SARNP: variants seen among roughly 807,000 people sequenced by gnomAD.
The protein encoded by SARNP is SAP domain containing ribonucleoprotein.
Under a neutral mutation model 38.1 loss-of-function variants are expected in SARNP, and 5 were observed. That is an observed-to-expected ratio of 0.13 (90% CI 0.07 to 0.28). SARNP has a LOEUF of 0.28. SARNP is among the 10% of genes least tolerant of loss of function. The pLI is 1.00. For synonymous variants in SARNP, 84 were observed against 80.6 expected (o/e 1.04, Z -0.23); for missense variants, 180 against 243.9 (o/e 0.74, Z 1.75).
intron 1 of SARNP, among the ~76,000 whole-genome samples, chr12:55,807,618 C>T (rs1222149598): frequency 6.9e-6 from 1 of 145,894 alleles, no homozygotes; most frequent in East Asian, 2.0e-4. Context: ...CTGGCTAGCA[C>T]GGTGAAACCC....
chr12:55,758,662 T>A (rs934792489), intron 10 of SARNP, among the ~76,000 whole-genome samples: 2 of 151,824 alleles, frequency 1.3e-5, no homozygotes, highest in Non-Finnish European at 2.9e-5. Flanking sequence ...AAAAGAAGCT[T>A]TTCATAAAGC....
At chr12:55,785,924 C>T (rs1879479247) in intron 9 of SARNP, among the ~76,000 whole-genome samples, 1 of 152,270 alleles carries the variant, frequency 6.6e-6, no homozygotes, top group Non-Finnish European at 1.5e-5. Context: ...CAGGCATGAG[C>T]CACTGCACCT....
intron 2 of SARNP, among the ~76,000 whole-genome samples, chr12:55,802,623 C>T (rs1880013055): frequency 6.6e-6 from 1 of 151,690 alleles, no homozygotes; most frequent in African/African-American, 2.4e-5. Flanking sequence ...CAAGATATCT[C>T]ATTATATATA....
intron 9 of SARNP, among the ~76,000 whole-genome samples, chr12:55,777,713 G>A (rs751479128): frequency 7.9e-5 from 12 of 152,048 alleles, no homozygotes; most frequent in Admixed American, 2.0e-4. Flanking sequence ...TATGTCTAAC[G>A]TCTCTTGTCC....
intron 9 of SARNP, among the ~76,000 whole-genome samples, chr12:55,765,062 AGCCTCTCTTCT>A (rs1878788894): frequency 6.6e-6 from 1 of 152,168 alleles, no homozygotes; most frequent in South Asian, 2.1e-4. Flanking sequence ...AAATAAATGG[AGCCTCTCTTCT>A]TGCGGAGAGG....
intron 7 of SARNP, 151 bp downstream of exon 7, chr12:55,794,205 TATA>T: frequency 1.4e-6 from 1 of 703,806 alleles, no homozygotes; most frequent in East Asian, 2.6e-5. Context: ...AAGGCCTAAG[TATA>T]ATTTTACCTA....
chr12:55,806,370 G>A (rs1290234960), intron 1 of SARNP, among the ~76,000 whole-genome samples: 1 of 150,470 alleles, frequency 6.6e-6, no homozygotes, highest in Non-Finnish European at 1.5e-5. Flanking sequence ...TGCGTTCCAG[G>A]TTCAAGCAAC....
At chr12:55,814,280 C>T (rs1880418173) in intron 1 of SARNP, among the ~76,000 whole-genome samples, 1 of 152,184 alleles carries the variant, frequency 6.6e-6, no homozygotes, top group African/African-American at 2.4e-5. Flanking sequence ...AGGCTCCCAG[C>T]CCTACTTCTT....
At chr12:55,759,452 G>A (rs1406548468) in intron 10 of SARNP, among the ~76,000 whole-genome samples, 1 of 148,440 alleles carries the variant, frequency 6.7e-6, no homozygotes, top group East Asian at 2.0e-4. Context: ...GTCTCACTCT[G>A]TAGCCCATGT....
At chr12:55,801,769 C>A (rs181224962) in intron 2 of SARNP, among the ~76,000 whole-genome samples, 1 of 152,092 alleles carries the variant, frequency 6.6e-6, no homozygotes, top group Admixed American at 6.6e-5. Flanking sequence ...AGGTGCACAT[C>A]ACCACACCCA....
At chr12:55,803,782 AT>A in intron 1 of SARNP, 54 bp from the exon 2 acceptor site, 4 of 1,168,402 alleles carry the variant, frequency 3.4e-6, no homozygotes, top group Non-Finnish European at 5.1e-6. Flanking sequence ...ACACCAGTGA[AT>A]AAAATGGTAG....
At chr12:55,762,794 T>G (rs1452181367) in intron 9 of SARNP, among the ~76,000 whole-genome samples, 1 of 152,224 alleles carries the variant, frequency 6.6e-6, no homozygotes, top group Non-Finnish European at 1.5e-5. Flanking sequence ...TTTGTCCCTG[T>G]GGCCACAGCA....
chr12:55,810,689 G>C (rs1446467525), intron 1 of SARNP, among the ~76,000 whole-genome samples: 2 of 150,182 alleles, frequency 1.3e-5, no homozygotes, highest in African/African-American at 2.5e-5. Context: ...CTGACCTCAG[G>C]TGATCTTCCC....
At chr12:55,798,843 A>G (rs1879894254) in intron 4 of SARNP, among the ~76,000 whole-genome samples, 1 of 152,208 alleles carries the variant, frequency 6.6e-6, no homozygotes, top group Non-Finnish European at 1.5e-5. Context: ...ATTTCCCATA[A>G]TAAGCTAAAC....
intron 9 of SARNP, among the ~76,000 whole-genome samples, chr12:55,781,465 C>T (rs1879337500): frequency 6.7e-6 from 1 of 149,740 alleles, no homozygotes. Context: ...AACCGGAAGG[C>T]AGAGGTTGCA....
At chr12:55,778,073 G>A (rs1444367877) in intron 9 of SARNP, among the ~76,000 whole-genome samples, 2 of 152,150 alleles carry the variant, frequency 1.3e-5, no homozygotes, top group Admixed American at 6.6e-5. Flanking sequence ...CTGTTCCTCC[G>A]CAGGGACAAA....
At chr12:55,792,818 G>A (rs1258815590) in intron 7 of SARNP, 1 of 152,048 alleles carries the variant, frequency 6.6e-6, no homozygotes, top group African/African-American at 2.4e-5. Context: ...CCAAGTAGCT[G>A]GGACTACAAA....
chr12:55,789,266 G>T, intron 8 of SARNP, 123 bp from the exon 9 acceptor site: 1 of 630,962 alleles, frequency 1.6e-6, no homozygotes, highest in Non-Finnish European at 2.7e-6. Context: ...CACCCTATGA[G>T]CAAAATAAGA....
chr12:55,752,512 G>C (rs1592547730), downstream of SARNP: 1 of 152,282 alleles, frequency 6.6e-6, no homozygotes, highest in East Asian at 1.9e-4. Flanking sequence ...AACCCAGTGG[G>C]AGTTAGCACC....
Sources: allele counts gnomAD v4.1 joint callset (sites outside exome capture counted in the v4.1 genomes callset), GRCh38; gene constraint gnomAD v4.1.1; transcripts MANE v1.5; gene names NCBI Gene and HGNC (gene_info 2026-07-23, HGNC 2026-07-21).